The following ZNF468 variants were observed in gnomAD, a reference collection of about 807,000 sequenced individuals.
The protein encoded by ZNF468 is zinc finger protein ZNF468.
Under a neutral mutation model 7.2 loss-of-function variants are expected in ZNF468, and 8 were observed. The observed-to-expected ratio is 1.11, with a 90% CI of 0.65 to 2.01. The LOEUF (loss-of-function observed/expected upper bound fraction) is 2.01. ZNF468 is among the 30% of genes most tolerant of loss of function. The probability of loss-of-function intolerance (pLI) is 0.00; values close to 1 mark genes in which losing one functional copy is unlikely to be tolerated. For missense variants in ZNF468, 608 were observed against 626.5 expected (o/e 0.97, Z 0.31); for synonymous variants, 218 against 214.4 (o/e 1.02, Z -0.15).
At position 52,842,034 on chromosome 19, in the gene ZNF468, A is replaced by T; in HGVS notation, c.260T>A (p.Phe87Tyr). ...ATGAATGTCTTTCTCAATTTCATGG[A>T]AACAAAATTCTCCAATGTGATGACT... is the stretch of plus-strand genomic sequence containing the variant. ...QASHHIGEFC[F>Y]HEIEKDIHGF... is the part of the protein sequence containing the mutation. Residue 87 changes from phenylalanine to tyrosine, a missense_variant, in exon 4 of 4, where the codon TTC (phenylalanine) becomes TAC (tyrosine). Coordinates refer to ENST00000595646, the MANE Select transcript of ZNF468 (RefSeq NM_001008801.2). The T allele has an allele frequency of 6.2e-7, 1 of 1,614,052 alleles. No individual in the cohort carries two copies. The highest frequency in any genetic ancestry group is 8.5e-7 in the Non-Finnish European group (1 of 1,179,972).
chr19:52,846,124 T>A (rs1045273795), intron 3 of ZNF468, among the ~76,000 whole-genome samples: 2 of 152,198 alleles, frequency 1.3e-5, no homozygotes, highest in Non-Finnish European at 2.9e-5. Flanking sequence ...AAAAACACTG[T>A]ACATATATGT....
chr19:52,849,210 G>C lies in ZNF468; in HGVS notation c.19C>G (p.Leu7Val). MALPQG[L>V]LTFRDVAIEF... Reference sequence around the variant, plus strand: ...ATGGCCACGTCCCTGAATGTCAATAGACCCTGAAATGAAAACACATTTTAA... The same window carrying C: ...ATGGCCACGTCCCTGAATGTCAATACACCCTGAAATGAAAACACATTTTAA... The change falls in exon 3 of 4, where the codon CTA becomes GTA. Residue 7 changes from leucine (L) to valine (V), a missense_variant. Leu to Val is a conservative substitution (Grantham distance 32, BLOSUM62 1). Transcript: ENST00000595646. 5 of 1,613,662 alleles carry C rather than the reference G, an allele frequency of 3.1e-6. No individual in the cohort carries two copies. The highest frequency in any genetic ancestry group is 4.2e-6 in the Non-Finnish European group (5 of 1,179,778).
chr19:52,857,345 A>G (rs750358810), intron 1 of ZNF468, among the ~76,000 whole-genome samples: 29 of 152,252 alleles, frequency 1.9e-4, no homozygotes, highest in Non-Finnish European at 3.8e-4. Context: ...GCGATAGGAA[A>G]CGTATACATT....
chr19:52,849,158 C>A lies in ZNF468; in HGVS notation c.71G>T (p.Cys24Phe), dbSNP rs771755626. The A allele has an allele frequency of 1.2e-6, 2 of 1,613,978 alleles. No homozygotes were observed. Among genetic ancestry groups the A allele is most frequent in the East Asian group, 2.2e-5 (1 of 44,862 alleles). The change falls in exon 3 of 4, where the codon TGC becomes TTC. Residue 24 changes from cysteine to phenylalanine, a missense_variant. Physicochemically the swap from Cys to Phe is radical, Grantham distance 205 (BLOSUM62 -2). Transcript: ENST00000595646. The stretch of plus-strand genomic sequence containing the variant: ...TAAAGTCCTCTGAGCAGGGTCCAGG[C>A]ATTTCCACTCCTCCTGAGAGAATTC... ...AIEFSQEEWK[C>F]LDPAQRTLYR... is the part of the protein sequence containing the mutation.
chr19:52,855,026 A>G (rs2063424566), intron 1 of ZNF468, among the ~76,000 whole-genome samples: 1 of 151,884 alleles, frequency 6.6e-6, no homozygotes, highest in Non-Finnish European at 1.5e-5. Context: ...TACAAATACA[A>G]AATTAGCAGG....
chr19:52,849,300 T>G, intron 2 of ZNF468, 87 bp from the exon 3 acceptor site: 2 of 1,599,866 alleles, frequency 1.3e-6, no homozygotes, highest in Non-Finnish European at 1.7e-6. Context: ...GGGGAAAGCA[T>G]GGATTTAACT....
At chr19:52,857,108 G>A (rs1261978293) in intron 1 of ZNF468, among the ~76,000 whole-genome samples, 2 of 151,708 alleles carry the variant, frequency 1.3e-5, no homozygotes, top group African/African-American at 2.4e-5. Flanking sequence ...CCAGCAAGAG[G>A]AGGAGGGAGG....
At chr19:52,857,347 G>C (rs1262893047) in intron 1 of ZNF468, among the ~76,000 whole-genome samples, 2 of 152,356 alleles carry the variant, frequency 1.3e-5, no homozygotes, top group East Asian at 3.9e-4. Context: ...GATAGGAAAC[G>C]TATACATTGC....
At chr19:52,844,123 GAAATA>G (rs982407765) in intron 3 of ZNF468, among the ~76,000 whole-genome samples, 1 of 152,146 alleles carries the variant, frequency 6.6e-6, no homozygotes, top group Non-Finnish European at 1.5e-5. Context: ...TTGTCTCAAA[GAAATA>G]AAATAAGATA....
intron 3 of ZNF468, among the ~76,000 whole-genome samples, chr19:52,848,830 T>C (rs1030177358): frequency 5.3e-5 from 8 of 152,060 alleles, no homozygotes; most frequent in Admixed American, 1.3e-4. Context: ...GGATGACAGG[T>C]GTGAGCCACC....
At chr19:52,853,785 AC>A (rs2063411275) in intron 2 of ZNF468, 1 of 1,015,038 alleles carries the variant, frequency 9.9e-7, no homozygotes, top group South Asian at 4.5e-5. Flanking sequence ...AGTCAGAAAC[AC>A]AGTAACTCAC....
intron 1 of ZNF468, among the ~76,000 whole-genome samples, chr19:52,855,937 G>A (rs577058331): frequency 1.4e-4 from 22 of 152,266 alleles, no homozygotes; most frequent in Non-Finnish European, 2.9e-4. Flanking sequence ...TGAGATGAGT[G>A]AGAAGGTGTG....
At chr19:52,852,838 AT>A (rs1208100063) in intron 2 of ZNF468, among the ~76,000 whole-genome samples, 5 of 146,656 alleles carry the variant, frequency 3.4e-5, no homozygotes, top group Non-Finnish European at 4.5e-5. Context: ...AATATATAAA[AT>A]TTTTTTTTAA....
intron 1 of ZNF468, among the ~76,000 whole-genome samples, chr19:52,854,809 G>C (rs1327027470): frequency 1.3e-5 from 2 of 152,064 alleles, no homozygotes; most frequent in African/African-American, 4.8e-5. Flanking sequence ...TGGATTACTT[G>C]AGGTCAGGAG....
In ZNF468 at chr19:52,841,193, T is replaced by C. The variant is rs369762113; in HGVS notation, c.1101A>G (p.Leu367=). ...CNECGKVFNR[L]STLARHHRLH... ...GTCTATGATGGCGTGCAAGGGTTGA[T>C]AGTCGATTAAAAACTTTGCCACATT... Residue 367 remains leucine, a synonymous_variant, in exon 4 of 4, where the codon CTA becomes CTG. Transcript: ENST00000595646. 1.1e-4 allele frequency: 170 copies of C among 1,613,010 alleles called. 1 individual carries two copies. The highest frequency in any genetic ancestry group is 3.3e-4 in the East Asian group (15 of 44,838).
chr19:52,850,220 C>G (rs2063375426), intron 2 of ZNF468, among the ~76,000 whole-genome samples: 1 of 152,064 alleles, frequency 6.6e-6, no homozygotes, highest in Admixed American at 6.6e-5. Context: ...GAAAAGGATA[C>G]TTTGGCAGTT....
intron 3 of ZNF468, among the ~76,000 whole-genome samples, chr19:52,846,178 A>C (rs1419835492): frequency 1.3e-5 from 2 of 152,152 alleles, no homozygotes; most frequent in Non-Finnish European, 2.9e-5. Context: ...GACATAAATA[A>C]AAAAATTCTA....
intron 3 of ZNF468, among the ~76,000 whole-genome samples, chr19:52,842,814 C>CAAAAAAAAAAAAAA (rs60067060): frequency 1.7e-4 from 9 of 52,948 alleles, no homozygotes; most frequent in African/African-American, 6.8e-4. Flanking sequence ...GACTCCATCT[C>CAAAAAAAAAAAAAA]AAAAAAAAAA....
At chr19:52,845,001 G>C (rs1391440074) in intron 3 of ZNF468, among the ~76,000 whole-genome samples, 1 of 152,122 alleles carries the variant, frequency 6.6e-6, no homozygotes, top group Non-Finnish European at 1.5e-5. Flanking sequence ...GCACTAACAT[G>C]TTTTAAAAAC....
Sources: allele counts gnomAD v4.1 joint callset (sites outside exome capture counted in the v4.1 genomes callset), GRCh38; gene constraint gnomAD v4.1.1; transcripts MANE v1.5; gene names NCBI Gene and HGNC (gene_info 2026-07-23, HGNC 2026-07-21).